ADGRL3: variants seen among roughly 807,000 people sequenced by gnomAD.
The protein encoded by ADGRL3 is adhesion G protein-coupled receptor L3, also known as calcium-independent alpha-latrotoxin receptor 3.
ADGRL3 carries 62 observed loss-of-function variants against 153.5 expected under a neutral mutation model. The ratio of observed to expected loss-of-function variants is 0.40; its 90% CI spans 0.33 to 0.50. The LOEUF is 0.50. ADGRL3 is among the 20% of genes least tolerant of loss of function. The pLI is 0.47. For synonymous variants in ADGRL3, 710 were observed against 672.5 expected, an observed-to-expected ratio of 1.06 and a Z score of -0.86; for missense variants, 1,641 against 1,859.4, an observed-to-expected ratio of 0.88 and a Z score of 2.16.
intron 2 of ADGRL3, among the ~76,000 whole-genome samples, chr4:61,439,862 T>C (rs1197638837): frequency 1.3e-5 from 2 of 152,138 alleles, no homozygotes; most frequent in African/African-American, 2.4e-5. Context: ...AACTCAATCC[T>C]TCTCTTTTTC....
chr4:61,672,464 T>C (rs1206859118), intron 5 of ADGRL3, among the ~76,000 whole-genome samples: 1 of 152,086 alleles, frequency 6.6e-6, no homozygotes, highest in Non-Finnish European at 1.5e-5. Flanking sequence ...AACACCTCAA[T>C]AGCAAGAAAA....
In ADGRL3 at chr4:61,538,978, G is replaced by A. The variant is rs75063369; in HGVS notation, c.259+21460G>A. ...CTTTCCTATTACATCCCTGTCATAG[G>A]GATCATGACCTTCAGCTCATATAGA... is the stretch of plus-strand genomic sequence containing the variant. On this transcript the variant is annotated intron_variant, in intron 4 of 26. Coordinates refer to ENST00000683033, the MANE Select transcript of ADGRL3 (RefSeq NM_001387552.1). Among the ~76,000 whole-genome samples the A allele has an allele frequency of 4.3e-3, 661 of 152,214 alleles. 4 individuals carry two copies. Among genetic ancestry groups the A allele is most frequent in the African/African-American group, 0.015 (629 of 41,538 alleles).
intron 5 of ADGRL3, among the ~76,000 whole-genome samples, chr4:61,671,127 T>G (rs1185703889): frequency 6.6e-6 from 1 of 152,132 alleles, no homozygotes; most frequent in Non-Finnish European, 1.5e-5. Flanking sequence ...TTACTGAAAT[T>G]AGCAGGAAAA....
At chr4:61,344,449 C>G (rs905047934) in intron 1 of ADGRL3, among the ~76,000 whole-genome samples, 1 of 152,180 alleles carries the variant, frequency 6.6e-6, no homozygotes, top group African/African-American at 2.4e-5. Context: ...AATTCTGCAG[C>G]ATATGAATCC....
intron 6 of ADGRL3, among the ~76,000 whole-genome samples, chr4:61,692,407 T>C (rs1030785034): frequency 6.6e-6 from 1 of 151,630 alleles, no homozygotes; most frequent in African/African-American, 2.4e-5. Flanking sequence ...TTCTAATTGG[T>C]CACTAGTCAC....
Position 61,730,636 on chromosome 4 carries a change from G to T in ADGRL3, c.598G>T (p.Val200Phe). The T allele has an allele frequency of 3.6e-6, 2 of 562,558 alleles. No individual in the cohort carries two copies. The highest frequency in any genetic ancestry group is 3.5e-5 in the South Asian group (1 of 28,934). 34.8% of individuals were successfully genotyped at this position (562,558 alleles called of 1,614,324 possible). A position where few individuals can be genotyped will look rare whatever the true frequency, so the allele number is the denominator to read the frequency against. The change falls in exon 7 of 27, where the codon GTT becomes TTT. Residue 200 changes from valine to phenylalanine, a missense_variant and splice_region_variant. Physicochemically the swap from Val to Phe is conservative, Grantham distance 50. Coordinates refer to ENST00000683033, the MANE Select transcript of ADGRL3 (RefSeq NM_001387552.1). ...ECVPYKVEQK[V>F]FLCPGLLKGV... Reference sequence around the variant, plus strand: ...CTCTCCAATAGAAGTGGAACAAAAAGGTAATTAAATACCTTTCATAAATTA... The same window carrying T: ...CTCTCCAATAGAAGTGGAACAAAAATGTAATTAAATACCTTTCATAAATTA...
chr4:61,937,150 C>G (rs910630013), intron 15 of ADGRL3, among the ~76,000 whole-genome samples: 1 of 152,102 alleles, frequency 6.6e-6, no homozygotes, highest in Non-Finnish European at 1.5e-5. Context: ...ACTCTTTTGC[C>G]CTCCAACAGT....
intron 8 of ADGRL3, among the ~76,000 whole-genome samples, chr4:61,798,486 A>T (rs2152469753): frequency 6.6e-6 from 1 of 152,332 alleles, no homozygotes; most frequent in East Asian, 1.9e-4. Context: ...AAACAAAATC[A>T]TCTAAACTCT....
chr4:61,770,666 C>A (rs1010450441), intron 8 of ADGRL3, among the ~76,000 whole-genome samples: 7 of 152,194 alleles, frequency 4.6e-5, no homozygotes, highest in African/African-American at 1.7e-4. Flanking sequence ...TTTGTATAGA[C>A]TCAATTTGTA....
At chr4:61,649,700 C>CT (rs1384232044) in intron 5 of ADGRL3, among the ~76,000 whole-genome samples, 1 of 152,092 alleles carries the variant, frequency 6.6e-6, no homozygotes, top group African/African-American at 2.4e-5. Context: ...AGACTCCAGT[C>CT]TCTTTTTTAT....
intron 13 of ADGRL3, among the ~76,000 whole-genome samples, chr4:61,929,120 G>A (rs528947353): frequency 6.6e-6 from 1 of 152,118 alleles, no homozygotes; most frequent in Non-Finnish European, 1.5e-5. Context: ...TTACTCCCCG[G>A]TATAGTGGTG....
At chr4:61,299,031 A>G (rs1342863353) in intron 1 of ADGRL3, among the ~76,000 whole-genome samples, 2 of 152,222 alleles carry the variant, frequency 1.3e-5, no homozygotes, top group Non-Finnish European at 1.5e-5. Context: ...TAATAAGTAC[A>G]GTAAATATTG....
chr4:61,686,163 G>A (rs961832661), intron 6 of ADGRL3, among the ~76,000 whole-genome samples: 3 of 152,114 alleles, frequency 2.0e-5, no homozygotes, highest in African/African-American at 7.2e-5. Context: ...TTCATTCAAA[G>A]AAATTTGTAT....
At chr4:61,776,026 G>A (rs866491611) in intron 8 of ADGRL3, among the ~76,000 whole-genome samples, 3 of 151,772 alleles carry the variant, frequency 2.0e-5, no homozygotes, top group Non-Finnish European at 4.4e-5. Context: ...TCGGCCTCCC[G>A]AGTAGCTGGG....
intron 8 of ADGRL3, among the ~76,000 whole-genome samples, chr4:61,792,507 TTG>T (rs71213010): frequency 0.47 from 68,626 of 147,488 alleles, 15,995 homozygotes; most frequent in East Asian, 0.61. Flanking sequence ...TTTTTTTTTT[TTG>T]AGACCGAGTC....
chr4:61,575,051 T>C (rs990884561), intron 4 of ADGRL3, among the ~76,000 whole-genome samples: 1 of 151,910 alleles, frequency 6.6e-6, no homozygotes, highest in Non-Finnish European at 1.5e-5. Context: ...CTTAACCACC[T>C]GTATTGGAAT....
rs544700120 is a variant in ADGRL3, at chr4:61,949,233, C to T, written c.2805+957C>T. Among the ~76,000 whole-genome samples the T allele has an allele frequency of 1.2e-4, 19 of 152,196 alleles. No individual in the cohort carries two copies. The East Asian group carries it at 3.7e-3, about 29-fold the overall frequency. Reference sequence around the variant, plus strand: ...TTAAGAACTGAGGCTGACTCAGATCCCGTGTTGGGTTCAACCAATTGTTAT... The same window carrying T: ...TTAAGAACTGAGGCTGACTCAGATCTCGTGTTGGGTTCAACCAATTGTTAT... On this transcript the variant is annotated intron_variant, in intron 17 of 26. Transcript: ENST00000683033.
At chr4:61,330,730 GGGACCCCAGCA>G (rs2095555617) in intron 1 of ADGRL3, among the ~76,000 whole-genome samples, 2 of 152,150 alleles carry the variant, frequency 1.3e-5, no homozygotes, top group Admixed American at 6.5e-5. Flanking sequence ...TGCGTGGAAA[GGGACCCCAGCA>G]GGTTGCCCCT....
In ADGRL3 at chr4:61,676,821, T is replaced by G; in HGVS notation, c.474-5T>G. ...ACTACTTCTTTTCCTTTCTTTTGAC[T>G]TCAGATGCAATAACAGAACCCAGTG... On this transcript the variant is annotated splice_polypyrimidine_tract_variant and splice_region_variant and intron_variant, in intron 5 of 26. Coordinates refer to ENST00000683033, the MANE Select transcript of ADGRL3 (RefSeq NM_001387552.1). 6.2e-7 allele frequency: 1 copy of G among 1,602,558 alleles called. No homozygotes were observed. The highest frequency in any genetic ancestry group is 8.5e-7 in the Non-Finnish European group (1 of 1,170,108).
Sources: allele counts gnomAD v4.1 joint callset (sites outside exome capture counted in the v4.1 genomes callset), GRCh38; gene constraint gnomAD v4.1.1; transcripts MANE v1.5; gene names NCBI Gene and HGNC (gene_info 2026-07-23, HGNC 2026-07-21).